Variants in DLK2 observed in about 807,000 individuals in gnomAD.
DLK2 encodes delta like non-canonical Notch ligand 2.
DLK2 carries 9 observed loss-of-function variants against 31.3 expected under a neutral mutation model. That is an observed-to-expected ratio of 0.29 (90% confidence interval 0.17 to 0.50). DLK2 has a LOEUF of 0.50. DLK2 is among the 20% of genes least tolerant of loss of function. DLK2 has a pLI of 0.98. For missense variants in DLK2, 387 were observed against 526.1 expected (o/e 0.74, Z 2.59); for synonymous variants, 169 against 201.2 (o/e 0.84, Z 1.35).
upstream of DLK2, chr6:43,456,389 C>T (rs536358520): frequency 6.6e-6 from 1 of 152,308 alleles, no homozygotes; most frequent in African/African-American, 2.4e-5. Context: ...CTCTTTGCCC[C>T]CTTCTGGCTA....
intron 1 of DLK2, 99 bp downstream of exon 1, chr6:43,455,296 C>T (rs989331882): frequency 2.5e-5 from 4 of 162,268 alleles, no homozygotes; most frequent in African/African-American, 9.8e-5. Flanking sequence ...CCCGCCACCA[C>T]CACTCTCTCC....
chr6:43,452,709 C>G (rs904789888), intron 4 of DLK2, among the ~76,000 whole-genome samples: 3 of 130,832 alleles, frequency 2.3e-5, no homozygotes, highest in African/African-American at 1.0e-4. Flanking sequence ...GAGACTCCAT[C>G]TCAAAACAAA....
At position 43,452,006 on chromosome 6, in the gene DLK2, C is replaced by T. The variant is rs375089342; in HGVS notation, c.350G>A (p.Cys117Tyr). The T allele has an allele frequency of 5.6e-5, 91 of 1,614,120 alleles. No homozygotes were observed. The highest frequency in any genetic ancestry group is 7.4e-5 in the Non-Finnish European group (87 of 1,180,060). The change falls in exon 5 of 6, where the codon TGT becomes TAT. Residue 117 changes from cysteine (C) to tyrosine (Y), a missense_variant. Transcript: ENST00000372488. Reference protein sequence around the residue: ...CMYDGGGEYHCVCLPGFHGRD... With the variant: ...CMYDGGGEYHYVCLPGFHGRD... ...CCCATGGAAGCCTGGTAAGCACACA[C>T]AATGGTACTCACCGCCCCCGTCATA...
chr6:43,454,428 T>G lies in DLK2; in HGVS notation c.123A>C (p.Ala41=), dbSNP rs778964683. The change falls in exon 3 of 6, where the codon GCA becomes GCC. Residue 41 remains alanine (A), a synonymous_variant. Transcript: ENST00000372488. Reference sequence around the variant, plus strand: ...ACAGGTACCTGCAGGAGCCGTCAGGTGCACAGCAGCCGTGGGCCAGGTCAC... The same window carrying G: ...ACAGGTACCTGCAGGAGCCGTCAGGGGCACAGCAGCCGTGGGCCAGGTCAC... The part of the protein sequence containing the change: ...SHCDLAHGCC[A]PDGSCRCDPG... 6 of 1,603,304 alleles carry G rather than the reference T, an allele frequency of 3.7e-6. No homozygotes were observed. Among genetic ancestry groups the G allele is most frequent in the Non-Finnish European group, 5.1e-6 (6 of 1,176,496 alleles).
At chr6:43,455,039 A>G (rs1783923183) in intron 1 of DLK2, 159 bp from the exon 2 acceptor site, 1 of 984,888 alleles carries the variant, frequency 1.0e-6, no homozygotes. Flanking sequence ...GAGCAGGCGA[A>G]GAGAGCGAGG....
intron 1 of DLK2, 112 bp from the exon 2 acceptor site, chr6:43,454,992 GA>G: frequency 7.9e-7 from 1 of 1,273,406 alleles, no homozygotes; most frequent in Non-Finnish European, 1.0e-6. Context: ...AGAAGAAGGG[GA>G]TGGGGGTAGC....
intron 1 of DLK2, 162 bp from the exon 2 acceptor site, chr6:43,455,042 G>C: frequency 3.0e-6 from 3 of 985,138 alleles, no homozygotes; most frequent in Non-Finnish European, 3.6e-6. Flanking sequence ...CAGGCGAAGA[G>C]AGCGAGGAGA....
In DLK2 at chr6:43,453,713, C is replaced by T. The variant is rs949738468; in HGVS notation, c.141-578G>A. 6.6e-6 allele frequency among the ~76,000 whole-genome samples: 1 copy of T among 152,160 alleles called. No individual in the cohort carries two copies. Among genetic ancestry groups the T allele is most frequent in the East Asian group, 1.9e-4 (1 of 5,198 alleles). ...AGGCTGAGGCAGGGGAACTTGAACA[C>T]AAGAGGCAGAGGCTGCAGTGAGCTG... On this transcript the variant is annotated intron_variant, in intron 3 of 5. Coordinates refer to ENST00000372488, the MANE Select transcript of DLK2 (RefSeq NM_023932.4). The surrounding 1 kb of genome is among the most constrained non-coding windows in gnomAD (Gnocchi z 4.1).
chr6:43,452,016 C>G lies in DLK2; in HGVS notation c.340G>C (p.Glu114Gln), dbSNP rs751180998. 1 of 1,614,236 alleles carries G rather than the reference C, an allele frequency of 6.2e-7. No homozygotes were observed. The highest frequency in any genetic ancestry group is 8.5e-7 in the Non-Finnish European group (1 of 1,180,052). Residue 114 changes from glutamate (E) to glutamine (Q), a missense_variant, in exon 5 of 6, where the codon GAG (glutamate) becomes CAG (glutamine). Glu to Gln is a conservative substitution (Grantham distance 29, BLOSUM62 2). Transcript: ENST00000372488. ...CCTGGTAAGCACACACAATGGTACT[C>G]ACCGCCCCCGTCATACATGCACTGG... ...GGQCMYDGGG[E>Q]YHCVCLPGFH...
chr6:43,456,120 C>G (rs1175690610), upstream of DLK2: 1 of 152,390 alleles, frequency 6.6e-6, no homozygotes, highest in East Asian at 1.9e-4. Flanking sequence ...CACCCCGGCC[C>G]TACCCCCACC....
chr6:43,452,132 C>T (rs777996120), intron 4 of DLK2, 48 bp from the exon 5 acceptor site: 3 of 1,609,880 alleles, frequency 1.9e-6, no homozygotes, highest in East Asian at 2.2e-5. Flanking sequence ...CCCATCTGGT[C>T]CCCAGACCAG....
rs1459259031 is a variant in DLK2, at chr6:43,453,748, C to A, written c.141-613G>T. ...AGGCTGCAGTGAGCTGAGATCGCGCCACTGCACTCCAGCCTTGGCAACAAA... is the reference window on the plus strand; with the variant it reads ...AGGCTGCAGTGAGCTGAGATCGCGCAACTGCACTCCAGCCTTGGCAACAAA... On this transcript the variant is annotated intron_variant, in intron 3 of 5. Transcript: ENST00000372488. The surrounding 1 kb of genome is among the most constrained non-coding windows in gnomAD (Gnocchi z 4.1). Among the ~76,000 whole-genome samples the A allele has an allele frequency of 6.6e-6, 1 of 152,150 alleles. No individual in the cohort carries two copies. Among genetic ancestry groups the A allele is most frequent in the African/African-American group, 2.4e-5 (1 of 41,416 alleles).
At chr6:43,452,176 A>G in intron 4 of DLK2, 92 bp from the exon 5 acceptor site, 1 of 1,557,026 alleles carries the variant, frequency 6.4e-7, no homozygotes, top group African/African-American at 1.4e-5. Context: ...CAGGTTCTGT[A>G]GGTGTGGCTA....
Position 43,451,810 on chromosome 6 carries a change from G to T in DLK2, c.416+130C>A. ...ACTAGGAACACTTTGGCATGCAGGG[G>T]TTTTATCTGAGTGTCCCCGTGTGGG... On this transcript the variant is annotated intron_variant, in intron 5 of 5. Transcript: ENST00000372488. This position sits in a 1 kb window ranked among gnomAD's most constrained non-coding sequence, Gnocchi z 4.4. 2 of 1,445,376 alleles carry T rather than the reference G, an allele frequency of 1.4e-6. No homozygotes were observed. The highest frequency in any genetic ancestry group is 1.5e-5 in the South Asian group (1 of 66,416). The allele number at this position is 1,445,376 out of a possible 1,614,324, so 89.5% of individuals were successfully genotyped here. A position where few individuals can be genotyped will look rare whatever the true frequency, so the allele number is the denominator to read the frequency against.
At chr6:43,452,184 C>A in intron 4 of DLK2, 100 bp from the exon 5 acceptor site, 1 of 1,533,064 alleles carries the variant, frequency 6.5e-7, no homozygotes. Context: ...GTAGGTGTGG[C>A]TATACTACAA....
rs1783718112 is a variant in DLK2 at position 43,451,297 on chromosome 6, C to T, written c.417-23G>A. 6.2e-7 allele frequency: 1 copy of T among 1,605,140 alleles called. No individual in the cohort carries two copies. The highest frequency in any genetic ancestry group is 1.7e-5 in the Admixed American group (1 of 59,590). On this transcript the variant is annotated intron_variant, in intron 5 of 5. Transcript: ENST00000372488. This position sits in a 1 kb window ranked among gnomAD's most constrained non-coding sequence, Gnocchi z 4.4. ...GAGCTGTGGTAGGGGTGAGAGAGGA[C>T]ATGATAACCAACTTACCAACACCTG...
In DLK2 at chr6:43,454,780, T is replaced by G. The variant is rs754013600; in HGVS notation, c.46A>C (p.Ile16Leu). 2 of 1,550,974 alleles carry G rather than the reference T, an allele frequency of 1.3e-6. No homozygotes were observed. Among genetic ancestry groups the G allele is most frequent in the Non-Finnish European group, 8.7e-7 (1 of 1,155,648 alleles). ...ACAGGCTGACCGGGAGCCCCCAGAA[T>G]GCACAACAGGCACACGAGATGCAGG... ...RCLHLVCLLC[I>L]LGAPGQPVRA... The change falls in exon 2 of 6, where the codon ATT becomes CTT. Residue 16 changes from isoleucine (I) to leucine (L), a missense_variant. Ile to Leu is a conservative substitution (Grantham distance 5). Coordinates refer to ENST00000372488, the MANE Select transcript of DLK2 (RefSeq NM_023932.4).
intron 4 of DLK2, 52 bp downstream of exon 4, chr6:43,452,953 T>TA: frequency 1.9e-6 from 3 of 1,607,620 alleles, no homozygotes; most frequent in Non-Finnish European, 1.7e-6. Context: ...TGATGGCTGT[T>TA]CCCCTAAGAA....
intron 1 of DLK2, 180 bp from the exon 2 acceptor site, chr6:43,455,060 CAG>C (rs1783924219): frequency 1.0e-6 from 1 of 985,034 alleles, no homozygotes; most frequent in Non-Finnish European, 1.2e-6. Flanking sequence ...AGAGCGAAGA[CAG>C]GAACCCGGGA....
Sources: gnomAD v4.1 joint callset for allele counts (sites outside exome capture counted in the v4.1 genomes callset) on GRCh38, gnomAD v4.1.1 for gene constraint, Gnocchi (gnomAD v3.1) non-coding constraint, MANE v1.5 for transcripts, NCBI Gene and HGNC (gene_info 2026-07-23, HGNC 2026-07-21) for gene names.